MARCHF7: variants seen among roughly 807,000 people sequenced by gnomAD.
MARCHF7 encodes the protein E3 ubiquitin-protein ligase MARCHF7.
A neutral mutation model predicts 76.5 loss-of-function variants in MARCHF7; 20 were observed. The observed-to-expected ratio is 0.26, with a 90% confidence interval of 0.18 to 0.38. The LOEUF (loss-of-function observed/expected upper bound fraction) is 0.38, where lower values mean the gene tolerates loss of function less well. Among genes scored for constraint, MARCHF7 ranks in the 10% least tolerant of loss-of-function variants. MARCHF7 has a pLI of 1.00. For missense variants in MARCHF7, 797 were observed against 812.9 expected (o/e 0.98, Z 0.24); for synonymous variants, 295 against 293.0 (o/e 1.01, Z -0.07).
intron 4 of MARCHF7, among the ~76,000 whole-genome samples, chr2:159,742,712 G>A (rs184841465): frequency 2.0e-5 from 3 of 152,250 alleles, no homozygotes; most frequent in African/African-American, 7.2e-5. Context: ...GCCGAGGCAG[G>A]CAGATCATGA....
At chr2:159,732,232 G>A (rs1271854958) in intron 4 of MARCHF7, among the ~76,000 whole-genome samples, 1 of 152,088 alleles carries the variant, frequency 6.6e-6, no homozygotes, top group African/African-American at 2.4e-5. Context: ...AAATTTTCAT[G>A]TATTTAAGTA....
intron 4 of MARCHF7, among the ~76,000 whole-genome samples, chr2:159,734,323 CT>C (rs34742849): frequency 0.35 from 51,549 of 147,236 alleles, 8,983 homozygotes; most frequent in South Asian, 0.44. Context: ...TTATTGATAC[CT>C]TTTTTTTTTT....
chr2:159,755,590 G>T (rs994245648), intron 8 of MARCHF7, among the ~76,000 whole-genome samples: 1 of 152,170 alleles, frequency 6.6e-6, no homozygotes, highest in African/African-American at 2.4e-5. Flanking sequence ...AGGCACTGTG[G>T]TTCAGGCATG....
chr2:159,740,784 C>CT (rs1283650596), intron 4 of MARCHF7, among the ~76,000 whole-genome samples: 1 of 152,164 alleles, frequency 6.6e-6, no homozygotes, highest in Non-Finnish European at 1.5e-5. Flanking sequence ...CCATTCCTAC[C>CT]TTTTCAGCCT....
intron 3 of MARCHF7, among the ~76,000 whole-genome samples, chr2:159,724,149 C>T (rs1701922751): frequency 6.6e-6 from 1 of 152,208 alleles, no homozygotes; most frequent in South Asian, 2.1e-4. Flanking sequence ...TTCAAATGTA[C>T]TTGCTAGATT....
In MARCHF7 at chr2:159,712,508, T is replaced by G. The variant is rs1051424256; in HGVS notation, c.-241T>G. On this transcript the variant is annotated 5_prime_UTR_variant, in exon 1 of 12. Coordinates refer to ENST00000409175, the MANE Select transcript of MARCHF7 (RefSeq NM_001282805.2). ...AGGGGCACTTAACGGTGGTGGCTGG[T>G]TCTGCGCCGGATCCGGGAGAGGGGC... The G allele has an allele frequency of 6.6e-6, 1 of 152,628 alleles. No homozygotes were observed. The highest frequency in any genetic ancestry group is 1.5e-5 in the Non-Finnish European group (1 of 68,208). The allele number at this position is 152,628 out of a possible 1,614,324, so 9.5% of individuals were successfully genotyped here.
At position 159,743,201 on chromosome 2, in the gene MARCHF7, C is replaced by T. The variant is rs1704358341; in HGVS notation, c.294C>T (p.Asn98=). The T allele has an allele frequency of 1.2e-6, 2 of 1,614,078 alleles. No individual in the cohort carries two copies. The highest frequency in any genetic ancestry group is 1.1e-5 in the South Asian group (1 of 91,090). Residue 98 remains asparagine (N), a synonymous_variant, in exon 5 of 12, where the codon AAC becomes AAT. Coordinates refer to ENST00000409175, the MANE Select transcript of MARCHF7 (RefSeq NM_001282805.2). ...AAAGACCTAAACTTTCCTGTACAAA[C>T]TGTACTACCTCAGCTGGGAGAAATG... The part of the protein sequence containing the change: ...DSKRPKLSCT[N]CTTSAGRNVG...
At chr2:159,736,936 T>G (rs1489629320) in intron 4 of MARCHF7, among the ~76,000 whole-genome samples, 1 of 152,230 alleles carries the variant, frequency 6.6e-6, no homozygotes, top group Non-Finnish European at 1.5e-5. Context: ...TCCCTCATTT[T>G]ATTGAGTTAT....
chr2:159,714,791 T>C (rs1300763408), intron 2 of MARCHF7, among the ~76,000 whole-genome samples, 193 bp downstream of exon 2: 2 of 152,116 alleles, frequency 1.3e-5, no homozygotes, highest in East Asian at 3.9e-4. Context: ...TGGTGCGCAC[T>C]GCTACTACTA....
intron 3 of MARCHF7, among the ~76,000 whole-genome samples, chr2:159,727,979 TAGA>T (rs1227389400): frequency 6.6e-6 from 1 of 152,272 alleles, no homozygotes; most frequent in Non-Finnish European, 1.5e-5. Context: ...GTTTTTTTCT[TAGA>T]AGTTTTATTC....
At chr2:159,733,885 G>A in intron 4 of MARCHF7, 7 of 1,207,068 alleles carry the variant, frequency 5.8e-6, no homozygotes, top group Non-Finnish European at 7.2e-6. Flanking sequence ...CAAGATTCTG[G>A]ATAGCATTGT....
At chr2:159,744,246 C>T (rs1186496308) in intron 5 of MARCHF7, among the ~76,000 whole-genome samples, 1 of 151,954 alleles carries the variant, frequency 6.6e-6, no homozygotes, top group East Asian at 1.9e-4. Context: ...CCTCGGCCTC[C>T]CAAAGCGCTG....
At chr2:159,746,491 T>C (rs1297081688) in intron 6 of MARCHF7, among the ~76,000 whole-genome samples, 4 of 152,246 alleles carry the variant, frequency 2.6e-5, no homozygotes, top group Non-Finnish European at 5.9e-5. Context: ...AGCCTTCGCC[T>C]CCTGGGTTCA....
chr2:159,744,080 C>T (rs1318835768), intron 5 of MARCHF7, among the ~76,000 whole-genome samples: 1 of 135,446 alleles, frequency 7.4e-6, no homozygotes, highest in East Asian at 2.2e-4. Context: ...CTCCGCCTCC[C>T]GGGTTCACGC....
intron 3 of MARCHF7, among the ~76,000 whole-genome samples, chr2:159,718,699 T>G (rs900203475): frequency 1.3e-5 from 2 of 152,184 alleles, no homozygotes; most frequent in Admixed American, 6.5e-5. Flanking sequence ...GAGAAAGCTT[T>G]AATCATAAGT....
Position 159,748,625 on chromosome 2 carries a change from C to T in MARCHF7, c.1335C>T (p.Ala445=). 1 of 1,614,180 alleles carries T rather than the reference C, an allele frequency of 6.2e-7. No homozygotes were observed. Among genetic ancestry groups the T allele is most frequent in the Non-Finnish European group, 8.5e-7 (1 of 1,180,034 alleles). ...AGAATGATCCTCTTGGAGCTGCTGC[C>T]AACAGACCACAAGCATCTGCAGCAT... The part of the protein sequence containing the change: ...EAQNDPLGAA[A]NRPQASAASS... The change falls in exon 7 of 12, where the codon GCC becomes GCT. Residue 445 remains alanine, a synonymous_variant. Coordinates refer to ENST00000409175, the MANE Select transcript of MARCHF7 (RefSeq NM_001282805.2).
chr2:159,730,217 G>A (rs1702620601), intron 4 of MARCHF7, among the ~76,000 whole-genome samples: 1 of 152,108 alleles, frequency 6.6e-6, no homozygotes, highest in Non-Finnish European at 1.5e-5. Context: ...TTTGGCTTTT[G>A]AAATGGCTTA....
At chr2:159,764,500 A>C (rs2125746193) in intron 10 of MARCHF7, 126 bp from the exon 11 acceptor site, 1 of 517,464 alleles carries the variant, frequency 1.9e-6, no homozygotes, top group Non-Finnish European at 3.2e-6. Context: ...GGGGAGAAAA[A>C]CCCCTATTTA....
chr2:159,761,393 A>G (rs1009364072), intron 9 of MARCHF7, among the ~76,000 whole-genome samples: 14 of 144,718 alleles, frequency 9.7e-5, no homozygotes, highest in African/African-American at 3.6e-4. Flanking sequence ...AATAATTATT[A>G]AGTGAATCAT....
Sources: gnomAD v4.1 joint callset for allele counts (sites outside exome capture counted in the v4.1 genomes callset) on GRCh38, gnomAD v4.1.1 for gene constraint, MANE v1.5 for transcripts, NCBI Gene and HGNC (gene_info 2026-07-23, HGNC 2026-07-21) for gene names.